DOCK5: variants seen among roughly 807,000 people sequenced by gnomAD.
DOCK5 encodes dedicator of cytokinesis 5, also known as dedicator of cytokinesis protein 5.
In DOCK5, 142 loss-of-function variants were observed where a neutral mutation model predicts 251.8. The observed-to-expected ratio is 0.56, with a 90% CI of 0.49 to 0.65. The LOEUF (loss-of-function observed/expected upper bound fraction) is 0.65. Among genes scored for constraint, DOCK5 ranks in the 30% least tolerant of loss-of-function variants. The pLI is 0.00. For synonymous variants in DOCK5, 842 were observed against 835.5 expected (o/e 1.01, Z -0.13); for missense variants, 2,111 against 2,312.3 (o/e 0.91, Z 1.79).
chr8:25,299,205 G>A, intron 8 of DOCK5, 104 bp downstream of exon 8: 1 of 1,307,890 alleles, frequency 7.6e-7, no homozygotes, highest in East Asian at 2.5e-5. Context: ...AGAGAAAATA[G>A]GGAAGCATGG....
intron 28 of DOCK5, among the ~76,000 whole-genome samples, chr8:25,359,933 G>A (rs892927908): frequency 2.6e-5 from 4 of 152,216 alleles, no homozygotes; most frequent in Non-Finnish European, 4.4e-5. Context: ...GTGGCTTCAC[G>A]GCACCTTCCC....
chr8:25,334,951 G>A (rs1379511367), intron 21 of DOCK5, among the ~76,000 whole-genome samples: 1 of 152,196 alleles, frequency 6.6e-6, no homozygotes, highest in African/African-American at 2.4e-5. Flanking sequence ...ATAAGAGGCA[G>A]TGGTCTCTAC....
At chr8:25,378,436 G>A (rs1380239682) in intron 38 of DOCK5, among the ~76,000 whole-genome samples, 1 of 152,224 alleles carries the variant, frequency 6.6e-6, no homozygotes, top group Non-Finnish European at 1.5e-5. Context: ...GAGGGGGACA[G>A]ATTTTGCAAA....
intron 2 of DOCK5, among the ~76,000 whole-genome samples, chr8:25,249,513 A>G (rs1803209710): frequency 6.6e-6 from 1 of 152,170 alleles, no homozygotes; most frequent in Admixed American, 6.5e-5. Context: ...GGCTCTAGGC[A>G]GCTTCAAATT....
intron 2 of DOCK5, among the ~76,000 whole-genome samples, chr8:25,247,917 C>T (rs113288906): frequency 0.014 from 2,139 of 152,222 alleles, 63 homozygotes; most frequent in African/African-American, 0.049. Flanking sequence ...TAGTCCTGCC[C>T]GCAAGAAACC....
chr8:25,392,069 C>A, intron 43 of DOCK5, 89 bp downstream of exon 43: 1 of 1,216,988 alleles, frequency 8.2e-7, no homozygotes, highest in Non-Finnish European at 1.2e-6. Context: ...TCTGGGAGGC[C>A]GATGCGGGCG....
chr8:25,341,036 A>G (rs1400044742), intron 23 of DOCK5, 48 bp downstream of exon 23: 5 of 1,462,702 alleles, frequency 3.4e-6, no homozygotes, highest in Non-Finnish European at 4.7e-6. Context: ...TGTGGTAAGG[A>G]TGTTCTGGGA....
chr8:25,380,845 A>T (rs970803789), intron 39 of DOCK5, among the ~76,000 whole-genome samples: 2 of 151,598 alleles, frequency 1.3e-5, no homozygotes, highest in Admixed American at 1.3e-4. Flanking sequence ...ACCATTCCGA[A>T]TGCCCAGTGG....
chr8:25,254,871 C>G (rs1228195150), intron 2 of DOCK5, among the ~76,000 whole-genome samples: 1 of 148,796 alleles, frequency 6.7e-6, no homozygotes, highest in East Asian at 2.0e-4. Context: ...AAGAAAACAA[C>G]CCACTTAAAA....
chr8:25,265,558 T>TGAGC lies in DOCK5; in HGVS notation c.128-3287_128-3286insGAGC, dbSNP rs1466267623. 2.0e-4 allele frequency among the ~76,000 whole-genome samples: 30 copies of TGAGC among 152,004 alleles called. 1 individual carries two copies. The highest frequency in any genetic ancestry group is 3.4e-3 in the Middle Eastern group (1 of 294). ...TGTTACCAACCATTCTCTGCCATAT[T>TGAGC]ACTTTTCTTGAGCACTTCTTCCTCT... On this transcript the variant is annotated intron_variant, in intron 2 of 51. Transcript: ENST00000276440.
At chr8:25,410,846 C>T (rs960603720) in intron 51 of DOCK5, among the ~76,000 whole-genome samples, 6 of 151,464 alleles carry the variant, frequency 4.0e-5, no homozygotes, top group Non-Finnish European at 7.4e-5. Flanking sequence ...GATGGGTTTC[C>T]TTCAGTCATT....
chr8:25,300,687 CTTTG>C (rs771160548), intron 9 of DOCK5, 30 bp downstream of exon 9: 8 of 1,585,984 alleles, frequency 5.0e-6, no homozygotes, highest in Admixed American at 1.7e-5. Flanking sequence ...TAATCATTCT[CTTTG>C]TTTGTGATAT....
chr8:25,384,439 AT>A (rs1233607940), intron 40 of DOCK5, among the ~76,000 whole-genome samples: 4 of 45,494 alleles, frequency 8.8e-5, no homozygotes, highest in African/African-American at 2.3e-4. Flanking sequence ...TATTTTATTT[AT>A]TTATTTATTT....
At chr8:25,263,105 A>G (rs2457699) in intron 2 of DOCK5, among the ~76,000 whole-genome samples, 150,564 of 151,960 alleles carry the variant, frequency 0.99, 74,635 homozygotes, top group East Asian at 1. Context: ...CCTCTATTTC[A>G]TACTCAAGGT....
chr8:25,196,417 C>G (rs1801727492), intron 1 of DOCK5, among the ~76,000 whole-genome samples: 2 of 152,102 alleles, frequency 1.3e-5, no homozygotes, highest in Non-Finnish European at 2.9e-5. Context: ...AGTTGAGATT[C>G]CTTACAAAAA....
chr8:25,391,044 G>A (rs1052165777), intron 42 of DOCK5, among the ~76,000 whole-genome samples: 2 of 151,846 alleles, frequency 1.3e-5, no homozygotes, highest in African/African-American at 4.8e-5. Flanking sequence ...CCTGAGCTCA[G>A]GCAATCCGCC....
chr8:25,215,432 A>G (rs1272378475), intron 1 of DOCK5, among the ~76,000 whole-genome samples: 1 of 152,010 alleles, frequency 6.6e-6, no homozygotes, highest in African/African-American at 2.4e-5. Flanking sequence ...CAAGTGCAGG[A>G]AGTGTTTCTT....
In DOCK5 at chr8:25,242,127, A is replaced by G. The variant is rs182580183; in HGVS notation, c.44-1547A>G. 4.1e-3 allele frequency among the ~76,000 whole-genome samples: 626 copies of G among 152,250 alleles called. 3 individuals carry two copies. The highest frequency in any genetic ancestry group is 0.014 in the African/African-American group (599 of 41,538). On this transcript the variant is annotated intron_variant, in intron 1 of 51. Coordinates refer to ENST00000276440, the MANE Select transcript of DOCK5 (RefSeq NM_024940.8). ...TGTAACAAACCTGCATGTTCTGCAC[A>G]TATATCCCAGAGCTTAAAGAATAAT...
At chr8:25,314,108 C>CT (rs71214561) in intron 13 of DOCK5, among the ~76,000 whole-genome samples, 2,745 of 115,246 alleles carry the variant, frequency 0.024, 131 homozygotes, top group African/African-American at 0.052. Context: ...GGACTCCCCT[C>CT]TTTTTTTTTT....
Sources: gnomAD v4.1 joint callset for allele counts (sites outside exome capture counted in the v4.1 genomes callset) on GRCh38, gnomAD v4.1.1 for gene constraint, MANE v1.5 for transcripts, NCBI Gene and HGNC (gene_info 2026-07-23, HGNC 2026-07-21) for gene names.